The following LONRF2 variants were observed in gnomAD, a reference collection of about 807,000 sequenced individuals.
LONRF2 encodes the protein LON peptidase N-terminal domain and RING finger protein 2.
A neutral mutation model predicts 66.6 loss-of-function variants in LONRF2; 35 were observed. The observed-to-expected ratio is 0.53, with a 90% CI of 0.40 to 0.70. The LOEUF (loss-of-function observed/expected upper bound fraction) is 0.70. Among genes scored for constraint, LONRF2 ranks in the 30% least tolerant of loss-of-function variants. The pLI, the probability that LONRF2 is intolerant of heterozygous loss-of-function variation, is 0.00. For synonymous variants in LONRF2, 417 were observed against 418.1 expected, an observed-to-expected ratio of 1.00 and a Z score of 0.03; for missense variants, 902 against 1,002.1, an observed-to-expected ratio of 0.90 and a Z score of 1.35.
chr2:100,316,243 T>A (rs1249214204), intron 1 of LONRF2, among the ~76,000 whole-genome samples: 2 of 141,602 alleles, frequency 1.4e-5, no homozygotes, highest in Non-Finnish European at 3.0e-5. Context: ...GATGTGAACC[T>A]GGGAGGCAGA....
At chr2:100,296,691 G>C (rs1382739025) in intron 7 of LONRF2, among the ~76,000 whole-genome samples, 1 of 152,200 alleles carries the variant, frequency 6.6e-6, no homozygotes, top group African/African-American at 2.4e-5. Flanking sequence ...AACTGGTAGA[G>C]AAACAGGCTA....
chr2:100,320,011 G>T (rs968900382), intron 1 of LONRF2, among the ~76,000 whole-genome samples: 1 of 152,128 alleles, frequency 6.6e-6, no homozygotes, highest in African/African-American at 2.4e-5. Flanking sequence ...TATTTCTGAT[G>T]AAAATTTGAT....
intron 10 of LONRF2, among the ~76,000 whole-genome samples, chr2:100,289,668 C>A (rs1674918402): frequency 6.6e-6 from 1 of 152,124 alleles, no homozygotes; most frequent in Admixed American, 6.5e-5. Flanking sequence ...AATCTCCTGA[C>A]CTCGTGACCT....
chr2:100,284,355 G>A lies in LONRF2; in HGVS notation c.2208C>T (p.Ile736=), dbSNP rs1674800730. 1 of 1,593,700 alleles carries A rather than the reference G, an allele frequency of 6.3e-7. No homozygotes were observed. The change falls in exon 12 of 12, where the codon ATC becomes ATT. Residue 736 remains isoleucine (I), a synonymous_variant. Transcript: ENST00000393437. ...CTTGCCGACTATTCATCTTACGCGT[G>A]ATGATGACTAATATCCGTCGGATGG... The part of the protein sequence containing the change: ...LLAIRRILVI[I]TRKMNSRQEL...
In LONRF2 at chr2:100,272,369, T is replaced by G. The variant is rs1481420920; in HGVS notation, c.*11929A>C. On this transcript the variant is annotated 3_prime_UTR_variant, in exon 12 of 12. Transcript: ENST00000393437. ...AAAAAATTAGCCGGGTATAGCGGCA[T>G]GCACCTGTGGTCCCAGCTACTCAGA... Among the ~76,000 whole-genome samples the G allele has an allele frequency of 1.3e-5, 2 of 152,136 alleles. No individual in the cohort carries two copies. Among genetic ancestry groups the G allele is most frequent in the Non-Finnish European group, 2.9e-5 (2 of 68,024 alleles).
At chr2:100,289,870 G>A (rs1003546500) in intron 10 of LONRF2, among the ~76,000 whole-genome samples, 1 of 152,268 alleles carries the variant, frequency 6.6e-6, no homozygotes, top group Admixed American at 6.5e-5. Context: ...CACTTTGGTT[G>A]AGGTGGGAGG....
rs145161710 is a variant in LONRF2, at chr2:100,279,258, G to A, written c.*5040C>T. On this transcript the variant is annotated 3_prime_UTR_variant, in exon 12 of 12. Transcript: ENST00000393437. Reference sequence around the variant, plus strand: ...CTGCCACCCCGAGCCGAGAAACACCGCGATATCATCATCAGACTCATATGT... The same window carrying A: ...CTGCCACCCCGAGCCGAGAAACACCACGATATCATCATCAGACTCATATGT... The A allele has an allele frequency of 6.0e-3, 911 of 151,984 alleles. 7 individuals are homozygous for A. The highest frequency in any genetic ancestry group is 8.6e-3 in the Non-Finnish European group (587 of 68,070). The allele number at this position is 151,984 out of a possible 1,614,324, so 9.4% of individuals were successfully genotyped here. A position where few individuals can be genotyped will look rare whatever the true frequency, so the allele number is the denominator to read the frequency against.
chr2:100,298,395 A>G (rs1050056057), intron 7 of LONRF2, among the ~76,000 whole-genome samples: 1 of 152,146 alleles, frequency 6.6e-6, no homozygotes, highest in Admixed American at 6.5e-5. Flanking sequence ...ACTGGTTTTG[A>G]TTTCAGACCA....
intron 1 of LONRF2, among the ~76,000 whole-genome samples, chr2:100,317,636 G>T (rs1374148730): frequency 6.6e-6 from 1 of 152,100 alleles, no homozygotes; most frequent in African/African-American, 2.4e-5. Flanking sequence ...ATCATGAAAT[G>T]CAATTCTGAT....
rs1674537949 is a variant in LONRF2 at position 100,273,481 on chromosome 2, T to C, written c.*10817A>G. 1 of 152,236 alleles carries C rather than the reference T, an allele frequency of 6.6e-6. No individual in the cohort carries two copies. Among genetic ancestry groups the C allele is most frequent in the Non-Finnish European group, 1.5e-5 (1 of 68,046 alleles). The allele number at this position is 152,236 out of a possible 1,614,324, so 9.4% of individuals were successfully genotyped here. On this transcript the variant is annotated 3_prime_UTR_variant, in exon 12 of 12. Coordinates refer to ENST00000393437, the MANE Select transcript of LONRF2 (RefSeq NM_198461.4). The stretch of plus-strand genomic sequence containing the variant: ...CTGTAAGTTTTATTCAGTTCAAATA[T>C]CACATATTAGATATACAATACCAAT...
rs1181168953 is a variant in LONRF2, at chr2:100,283,151, G to C, written c.*1147C>G. 6.6e-6 allele frequency: 1 copy of C among 152,110 alleles called. No homozygotes were observed. The highest frequency in any genetic ancestry group is 1.5e-5 in the Non-Finnish European group (1 of 68,024). 9.4% of individuals were successfully genotyped at this position (152,110 alleles called of 1,614,324 possible). On this transcript the variant is annotated 3_prime_UTR_variant, in exon 12 of 12. Coordinates refer to ENST00000393437, the MANE Select transcript of LONRF2 (RefSeq NM_198461.4). ...ATCAATATCACCAACGTGCATTACA[G>C]GATGGAAGTCATACTACTGTCCTTT...
Position 100,321,960 on chromosome 2 carries a change from A to G in LONRF2, c.134T>C (p.Leu45Pro). The change falls in exon 1 of 12, where the codon CTC (leucine) becomes CCC (proline). Residue 45 changes from leucine (L) to proline (P), a missense_variant. By Grantham distance (98) the Leu-to-Pro change is moderately conservative (BLOSUM62 -3). Coordinates refer to ENST00000393437, the MANE Select transcript of LONRF2 (RefSeq NM_198461.4). ...RAGDYEMAAELFRSMLAGLAQ... is the reference protein window; with the variant it reads ...RAGDYEMAAEPFRSMLAGLAQ... ...CAGCCCGGCTAGCATGGAGCGAAAG[A>G]GCTCGGCTGCCATCTCGTAGTCGCC... 2 of 1,465,552 alleles carry G rather than the reference A, an allele frequency of 1.4e-6. No homozygotes were observed. The highest frequency in any genetic ancestry group is 1.8e-6 in the Non-Finnish European group (2 of 1,109,904). The allele number at this position is 1,465,552 out of a possible 1,614,324, so 90.8% of individuals were successfully genotyped here.
intron 10 of LONRF2, among the ~76,000 whole-genome samples, chr2:100,288,581 A>T (rs1160748529): frequency 6.6e-6 from 1 of 152,230 alleles, no homozygotes; most frequent in East Asian, 1.9e-4. Context: ...ACCCAAAACC[A>T]GATAGACATT....
rs891524913 is a variant in LONRF2 at position 100,322,213 on chromosome 2, C to T, written c.-120G>A. The T allele has an allele frequency of 1.1e-6, 1 of 921,862 alleles. No individual in the cohort carries two copies. The highest frequency in any genetic ancestry group is 1.3e-6 in the Non-Finnish European group (1 of 746,678). The allele number at this position is 921,862 out of a possible 1,614,324, so 57.1% of individuals were successfully genotyped here. On this transcript the variant is annotated 5_prime_UTR_variant, in exon 1 of 12. Coordinates refer to ENST00000393437, the MANE Select transcript of LONRF2 (RefSeq NM_198461.4). The stretch of plus-strand genomic sequence containing the variant: ...AGCCCTCGCCAGCAGCCACGCGCGT[C>T]TGGGGGCGGCGCGCTGCGAGCGGCT...
chr2:100,303,106 A>G (rs1041355956), intron 2 of LONRF2, 63 bp from the exon 3 acceptor site: 1 of 1,433,612 alleles, frequency 7.0e-7, no homozygotes. Context: ...ACTTGAATAC[A>G]AACTTCCCTG....
intron 1 of LONRF2, among the ~76,000 whole-genome samples, chr2:100,317,963 C>T (rs1675540066): frequency 6.6e-6 from 1 of 152,152 alleles, no homozygotes; most frequent in African/African-American, 2.4e-5. Flanking sequence ...TGTGTCCACC[C>T]TGTTGGGCTT....
chr2:100,273,436 A>G lies in LONRF2; in HGVS notation c.*10862T>C, dbSNP rs1428678787. 6.6e-6 allele frequency: 1 copy of G among 152,246 alleles called. No individual in the cohort carries two copies. Among genetic ancestry groups the G allele is most frequent in the Non-Finnish European group, 1.5e-5 (1 of 68,040 alleles). The allele number at this position is 152,246 out of a possible 1,614,324, so 9.4% of individuals were successfully genotyped here. Reference sequence around the variant, plus strand: ...GCCTATTACTTAGGTGTGATTATTTATTAAAGAACATTTACAACACTGTAA... The same window carrying G: ...GCCTATTACTTAGGTGTGATTATTTGTTAAAGAACATTTACAACACTGTAA... On this transcript the variant is annotated 3_prime_UTR_variant, in exon 12 of 12. Transcript: ENST00000393437.
intron 10 of LONRF2, among the ~76,000 whole-genome samples, chr2:100,289,166 T>C (rs1213080960): frequency 8.1e-6 from 1 of 124,016 alleles, no homozygotes; most frequent in Non-Finnish European, 1.9e-5. Flanking sequence ...AGTCAAACCG[T>C]GCTCACCACC....
chr2:100,285,569 A>G (rs1306640198), intron 11 of LONRF2, among the ~76,000 whole-genome samples: 3 of 152,080 alleles, frequency 2.0e-5, no homozygotes, highest in African/African-American at 7.2e-5. Flanking sequence ...TCAGTTAAGG[A>G]CTTTGGGATG....
Sources: allele counts gnomAD v4.1 joint callset (sites outside exome capture counted in the v4.1 genomes callset), GRCh38; gene constraint gnomAD v4.1.1; transcripts MANE v1.5; gene names NCBI Gene and HGNC (gene_info 2026-07-23, HGNC 2026-07-21).